Variants in GNL2 observed in about 807,000 individuals in gnomAD.
GNL2 encodes the protein G protein nucleolar 2.
Under a neutral mutation model 92.3 loss-of-function variants are expected in GNL2, and 51 were observed. The observed-to-expected ratio is 0.55, with a 90% CI of 0.44 to 0.70. The LOEUF (loss-of-function observed/expected upper bound fraction) is 0.70, where lower values mean the gene tolerates loss of function less well. Ranked by LOEUF, GNL2 falls within the 30% of genes least tolerant of loss-of-function variation. GNL2 has a pLI of 0.00. For missense variants in GNL2, 844 were observed against 895.6 expected (o/e 0.94, Z 0.74); for synonymous variants, 283 against 300.6 (o/e 0.94, Z 0.61).
In GNL2 at chr1:37,575,046, T is replaced by A. The variant is rs1171434354; in HGVS notation, c.1144-223A>T. 6.6e-6 allele frequency among the ~76,000 whole-genome samples: 1 copy of A among 152,096 alleles called. No homozygotes were observed. Among genetic ancestry groups the A allele is most frequent in the Non-Finnish European group, 1.5e-5 (1 of 68,022 alleles). ...CCCAGAACTCAGCTTTAATCCCCAC[T>A]CACCACAAACTAACTGTGTGGCTGC... On this transcript the variant is annotated intron_variant, in intron 10 of 15. Transcript: ENST00000373062. This position sits in a 1 kb window ranked among gnomAD's most constrained non-coding sequence, Gnocchi z 4.1.
chr1:37,591,166 C>T (rs1328041552), intron 3 of GNL2, among the ~76,000 whole-genome samples: 2 of 152,182 alleles, frequency 1.3e-5, no homozygotes, highest in Non-Finnish European at 2.9e-5. Flanking sequence ...CTACTACCTG[C>T]TAGATCTAGC....
At chr1:37,578,825 G>T (rs1643719462) in intron 8 of GNL2, among the ~76,000 whole-genome samples, 1 of 152,068 alleles carries the variant, frequency 6.6e-6, no homozygotes, top group African/African-American at 2.4e-5. Flanking sequence ...CTCCCAAAGT[G>T]GTGGGATTAT....
chr1:37,577,587 T>C (rs900448558), intron 8 of GNL2, among the ~76,000 whole-genome samples: 15 of 152,272 alleles, frequency 9.9e-5, no homozygotes, highest in African/African-American at 3.1e-4. Flanking sequence ...TTAAAAGTAG[T>C]ATCAAACTTG....
At chr1:37,570,687 T>C (rs1000906963) in intron 12 of GNL2, 1 of 152,194 alleles carries the variant, frequency 6.6e-6, no homozygotes, top group Non-Finnish European at 1.5e-5. Context: ...GCCAAAACAA[T>C]TTCTGTTCAT....
rs760784694 is a variant in GNL2 at position 37,574,371 on chromosome 1, G to A, written c.1388C>T (p.Pro463Leu). Residue 463 changes from proline (P) to leucine (L), a missense_variant, in exon 12 of 16, where the codon CCC (proline) becomes CTC (leucine). Transcript: ENST00000373062. The stretch of plus-strand genomic sequence containing the variant: ...GGGGGCCACAAGTGGCTCTGCATTG[G>A]GTGGCTTGACAAAGAAAGGAATCCG... ...RGRIPFFVKP[P>L]NAEPLVAPQL... 12 of 1,613,896 alleles carry A rather than the reference G, an allele frequency of 7.4e-6. No homozygotes were observed. Among genetic ancestry groups the A allele is most frequent in the African/African-American group, 1.3e-5 (1 of 75,002 alleles).
At chr1:37,567,531 G>A (rs764717664) in intron 15 of GNL2, 142 bp downstream of exon 15, 10 of 672,038 alleles carry the variant, frequency 1.5e-5, no homozygotes, top group Non-Finnish European at 2.7e-5. Flanking sequence ...GGCCAGACCC[G>A]ACCCTATTTA....
intron 12 of GNL2, among the ~76,000 whole-genome samples, chr1:37,573,028 A>C (rs1201076874): frequency 6.6e-6 from 1 of 152,202 alleles, no homozygotes; most frequent in African/African-American, 2.4e-5. Context: ...GTTTCTCACC[A>C]CAGCACCACC....
At chr1:37,582,638 A>G in intron 7 of GNL2, 140 bp downstream of exon 7, 1 of 741,154 alleles carries the variant, frequency 1.3e-6, no homozygotes, top group Non-Finnish European at 2.2e-6. Flanking sequence ...CCCACTATCA[A>G]TGAGCACACT....
chr1:37,569,107 C>T lies in GNL2; in HGVS notation c.1612G>A (p.Val538Met), dbSNP rs748949015. Reference protein sequence around the residue: ...RVRQNFGKINVVPQFSGDDLV... With the variant: ...RVRQNFGKINMVPQFSGDDLV... Reference sequence around the variant, plus strand: ...TCATCCCCAGAAAACTGAGGCACCACGTTGATTTTACCAAAGTTCTGCCGA... The same window carrying T: ...TCATCCCCAGAAAACTGAGGCACCATGTTGATTTTACCAAAGTTCTGCCGA... The change falls in exon 13 of 16, where the codon GTG becomes ATG. Residue 538 changes from valine (V) to methionine (M), a missense_variant. Coordinates refer to ENST00000373062, the MANE Select transcript of GNL2 (RefSeq NM_013285.3). The T allele has an allele frequency of 5.0e-6, 8 of 1,614,210 alleles. No homozygotes were observed. The highest frequency in any genetic ancestry group is 3.3e-5 in the South Asian group (3 of 91,086).
intron 12 of GNL2, 89 bp downstream of exon 12, chr1:37,574,254 A>G: frequency 2.9e-6 from 2 of 696,474 alleles, no homozygotes; most frequent in South Asian, 1.8e-5. Flanking sequence ...CTGAATGAAT[A>G]CACGCTCTAT....
chr1:37,580,024 C>T (rs1240502782), intron 8 of GNL2, among the ~76,000 whole-genome samples: 1 of 151,712 alleles, frequency 6.6e-6, no homozygotes, highest in Non-Finnish European at 1.5e-5. Context: ...TAATGTAAGA[C>T]AATATCAGAC....
At chr1:37,594,025 ACAAAGCTGACC>A in intron 1 of GNL2, 179 bp from the exon 2 acceptor site, 1 of 559,368 alleles carries the variant, frequency 1.8e-6, no homozygotes, top group Non-Finnish European at 3.2e-6. Context: ...ACATGGTATG[ACAAAGCTGACC>A]CAATCTTTGA....
At chr1:37,594,691 G>A (rs540632139) in intron 1 of GNL2, among the ~76,000 whole-genome samples, 19 of 152,240 alleles carry the variant, frequency 1.2e-4, no homozygotes, top group South Asian at 4.2e-4. Context: ...ACGGGCATCC[G>A]CCATCATGCC....
chr1:37,572,019 A>C (rs1383670077), intron 12 of GNL2, among the ~76,000 whole-genome samples: 6 of 151,960 alleles, frequency 3.9e-5, no homozygotes, highest in Non-Finnish European at 7.4e-5. Flanking sequence ...GCTGCTCTGG[A>C]TGTGCTGTTC....
At chr1:37,567,811 T>G in intron 14 of GNL2, 47 bp from the exon 15 acceptor site, 1 of 1,442,980 alleles carries the variant, frequency 6.9e-7, no homozygotes. Context: ...TGAAAATTTG[T>G]CTATAAACCC....
At position 37,590,849 on chromosome 1, in the gene GNL2, T is replaced by C. The variant is rs1450849284; in HGVS notation, c.245-4A>G. 1 of 1,552,338 alleles carries C rather than the reference T, an allele frequency of 6.4e-7. No individual in the cohort carries two copies. The highest frequency in any genetic ancestry group is 1.2e-5 in the South Asian group (1 of 82,796). ...TGCTTAATCACACGTGTGTTTCCTGTTTTACAAATAAAGAATGTTGCCACT... is the reference window on the plus strand; with the variant it reads ...TGCTTAATCACACGTGTGTTTCCTGCTTTACAAATAAAGAATGTTGCCACT... On this transcript the variant is annotated splice_polypyrimidine_tract_variant and splice_region_variant and intron_variant, in intron 3 of 15. Coordinates refer to ENST00000373062, the MANE Select transcript of GNL2 (RefSeq NM_013285.3).
chr1:37,595,811 G>A lies in GNL2; in HGVS notation c.12C>T (p.Pro4=). ...TGATGGTGCTCCGTCCTTTGTACTT[G>A]GGCTTCACCATCTTGGCGACGAGAC... MVK[P]KYKGRSTINP... The change falls in exon 1 of 16, where the codon CCC becomes CCT. Residue 4 remains proline, a synonymous_variant. Coordinates refer to ENST00000373062, the MANE Select transcript of GNL2 (RefSeq NM_013285.3). The A allele has an allele frequency of 6.2e-7, 1 of 1,614,182 alleles. No homozygotes were observed. Among genetic ancestry groups the A allele is most frequent in the Non-Finnish European group, 8.5e-7 (1 of 1,180,012 alleles).
At chr1:37,579,580 A>T (rs958938230) in intron 8 of GNL2, among the ~76,000 whole-genome samples, 1 of 150,682 alleles carries the variant, frequency 6.6e-6, no homozygotes, top group African/African-American at 2.4e-5. Context: ...AAAATAGAGG[A>T]AAATGTCATA....
intron 7 of GNL2, 102 bp from the exon 8 acceptor site, chr1:37,582,438 T>TTTGAAATATAC: frequency 1.5e-6 from 1 of 670,656 alleles, no homozygotes; most frequent in Non-Finnish European, 2.5e-6. Context: ...AAATATACTG[T>TTTGAAATATAC]TGTCTAAGGA....
Sources: gnomAD v4.1 joint callset for allele counts (sites outside exome capture counted in the v4.1 genomes callset) on GRCh38, gnomAD v4.1.1 for gene constraint, Gnocchi (gnomAD v3.1) non-coding constraint, MANE v1.5 for transcripts, NCBI Gene and HGNC (gene_info 2026-07-23, HGNC 2026-07-21) for gene names.